Variants in BCCIP observed in about 807,000 individuals in gnomAD.
BCCIP encodes the protein BRCA2 and CDKN1A-interacting protein.
A neutral mutation model predicts 32.8 loss-of-function variants in BCCIP; 23 were observed. The ratio of observed to expected loss-of-function variants is 0.70; its 90% confidence interval spans 0.51 to 0.99. BCCIP has a LOEUF of 0.99. Ranked by LOEUF, BCCIP falls within the 50% of genes least tolerant of loss-of-function variation. The pLI, the probability that BCCIP is intolerant of heterozygous loss-of-function variation, is 0.00. For missense variants in BCCIP, 378 were observed against 379.8 expected, an observed-to-expected ratio of 1.00 and a Z score of 0.04; for synonymous variants, 144 against 137.6, an observed-to-expected ratio of 1.05 and a Z score of -0.33.
chr10:125,836,503 A>T lies in BCCIP; in HGVS notation c.*229A>T. 1 of 1,357,026 alleles carries T rather than the reference A, an allele frequency of 7.4e-7. No individual in the cohort carries two copies. Among genetic ancestry groups the T allele is most frequent in the South Asian group, 1.8e-5 (1 of 55,780 alleles). 84.1% of individuals were successfully genotyped at this position (1,357,026 alleles called of 1,614,324 possible). The stretch of plus-strand genomic sequence containing the variant: ...TCCAAGAAGAAGAAAAGCATGGAGT[A>T]GTAATTTAAAGAACTCAATAAAAAC... On this transcript the variant is annotated 3_prime_UTR_variant, in exon 7 of 7. Coordinates refer to ENST00000278100, the MANE Select transcript of BCCIP (RefSeq NM_078468.3).
intron 3 of BCCIP, among the ~76,000 whole-genome samples, chr10:125,828,561 A>G (rs567172672): frequency 2.0e-5 from 3 of 152,312 alleles, no homozygotes; most frequent in South Asian, 4.1e-4. Context: ...GAAAGATAAC[A>G]TTTGAAGGAG....
chr10:125,823,917 G>C (rs1854264325), intron 1 of BCCIP, among the ~76,000 whole-genome samples, 195 bp downstream of exon 1: 1 of 152,164 alleles, frequency 6.6e-6, no homozygotes, highest in Middle Eastern at 3.2e-3. Context: ...TAAAGGTCTA[G>C]TCCGGTCCAG....
At chr10:125,841,693 T>C in exon 7 of BCCIP, 1 of 1,584,010 alleles carries the variant, frequency 6.3e-7, no homozygotes, top group Non-Finnish European at 8.5e-7. Context: ...TCTAAATCTA[T>C]ACCTAGTGCA....
intron 7 of BCCIP, chr10:125,852,358 A>G (rs1299183032): frequency 6.2e-7 from 1 of 1,614,086 alleles, no homozygotes; most frequent in Non-Finnish European, 8.5e-7. Context: ...AAAAAGCACC[A>G]TGCTTGTTAG....
At chr10:125,838,037 T>A (rs945446918), downstream of BCCIP, among the ~76,000 whole-genome samples, 10 of 152,218 alleles carry the variant, frequency 6.6e-5, no homozygotes, top group Non-Finnish European at 1.3e-4. Flanking sequence ...GGCAGGGACA[T>A]TTCTTAGGTA....
Position 125,827,566 on chromosome 10 carries a change from A to G in BCCIP, c.249A>G (p.Leu83=), listed in dbSNP as rs1854427468. ...TTTTTTCCTCCTTTTAGCTTTTTCT[A>G]AAGGCTCCTGTGAACACTGCAGAAC... is the stretch of plus-strand genomic sequence containing the variant. The part of the protein sequence containing the change: ...GIKKLLQQLF[L]KAPVNTAELT... Residue 83 remains leucine (L), a synonymous_variant, in exon 3 of 7, where the codon CTA becomes CTG. Coordinates refer to ENST00000278100, the MANE Select transcript of BCCIP (RefSeq NM_078468.3). 6.2e-7 allele frequency: 1 copy of G among 1,606,102 alleles called. No individual in the cohort carries two copies. The highest frequency in any genetic ancestry group is 1.1e-5 in the South Asian group (1 of 89,664).
At chr10:125,842,029 C>T in exon 7 of BCCIP, 1 of 1,379,038 alleles carries the variant, frequency 7.3e-7, no homozygotes, top group East Asian at 2.7e-5. Context: ...AACAAGCAAA[C>T]AATGGACAAA....
At chr10:125,826,280 A>T (rs1450672630) in intron 1 of BCCIP, 6 of 325,006 alleles carry the variant, frequency 1.8e-5, no homozygotes, top group Non-Finnish European at 2.3e-5. Context: ...CCTCAAATCC[A>T]TGGGCTAAGT....
At chr10:125,835,026 G>T (rs541458380) in intron 6 of BCCIP, among the ~76,000 whole-genome samples, 5 of 151,804 alleles carry the variant, frequency 3.3e-5, no homozygotes, top group Admixed American at 6.6e-5. Context: ...CCAGCTACTC[G>T]GGAGGCTGAG....
exon 7 of BCCIP, chr10:125,841,989 A>G (rs993172333): frequency 5.4e-6 from 8 of 1,491,068 alleles, no homozygotes; most frequent in African/African-American, 1.4e-5. Flanking sequence ...AGATGGAGAA[A>G]CAGGTACTGG....
chr10:125,841,980 G>A (rs1160900964), exon 7 of BCCIP: 2 of 1,508,890 alleles, frequency 1.3e-6, no homozygotes, highest in East Asian at 2.4e-5. Context: ...ATATGGCTAA[G>A]ATGGAGAAAC....
At chr10:125,852,345 C>G in intron 7 of BCCIP, 2 of 1,614,214 alleles carry the variant, frequency 1.2e-6, no homozygotes, top group Non-Finnish European at 1.7e-6. Context: ...CTATCCTCTT[C>G]ATAAAAAGCA....
intron 5 of BCCIP, among the ~76,000 whole-genome samples, chr10:125,832,181 T>C (rs960202182): frequency 6.6e-6 from 1 of 152,148 alleles, no homozygotes; most frequent in African/African-American, 2.4e-5. Context: ...GCAGATTCTC[T>C]TATTTATTTC....
downstream of BCCIP, chr10:125,839,131 G>A (rs1406605286): frequency 6.2e-7 from 1 of 1,614,210 alleles, no homozygotes. Flanking sequence ...AATAACATCT[G>A]CCATTCTGAG....
intron 4 of BCCIP, 49 bp downstream of exon 4, chr10:125,830,700 C>A (rs773016276): frequency 1.7e-6 from 2 of 1,147,382 alleles, no homozygotes; most frequent in Non-Finnish European, 2.6e-6. Context: ...AGGCCAAAAC[C>A]ACTTTTATTT....
chr10:125,846,272 A>G (rs1219023254), downstream of BCCIP, among the ~76,000 whole-genome samples: 1 of 152,200 alleles, frequency 6.6e-6, no homozygotes, highest in African/African-American at 2.4e-5. Flanking sequence ...ATTATAGAGA[A>G]CTATCTTTAA....
At chr10:125,849,332 G>C (rs758876022) in intron 7 of BCCIP, among the ~76,000 whole-genome samples, 2 of 152,148 alleles carry the variant, frequency 1.3e-5, no homozygotes, top group Non-Finnish European at 2.9e-5. Context: ...AGGGCTTCAG[G>C]AGCCAAAAGT....
At chr10:125,848,221 C>T (rs1944049081) in intron 7 of BCCIP, among the ~76,000 whole-genome samples, 1 of 152,104 alleles carries the variant, frequency 6.6e-6, no homozygotes, top group Non-Finnish European at 1.5e-5. Context: ...TCTAGGGCCT[C>T]TGGGGAATAG....
downstream of BCCIP, chr10:125,838,900 A>C: frequency 7.7e-7 from 1 of 1,290,708 alleles, no homozygotes; most frequent in South Asian, 1.5e-5. Context: ...TTTTAGTTTT[A>C]CTTAATGTCA....
Sources: gnomAD v4.1 joint callset for allele counts (sites outside exome capture counted in the v4.1 genomes callset) on GRCh38, gnomAD v4.1.1 for gene constraint, MANE v1.5 for transcripts, NCBI Gene and HGNC (gene_info 2026-07-23, HGNC 2026-07-21) for gene names.